ASH1L: variants seen among roughly 807,000 people sequenced by gnomAD.
The protein encoded by ASH1L is histone-lysine N-methyltransferase ASH1L.
A neutral mutation model predicts 269.0 loss-of-function variants in ASH1L; 23 were observed. That is an observed-to-expected ratio of 0.09 (90% confidence interval 0.06 to 0.12). ASH1L has a LOEUF of 0.12. ASH1L is among the 10% of genes least tolerant of loss of function. The pLI is 1.00. For synonymous variants in ASH1L, 1,187 were observed against 1,253.5 expected, an observed-to-expected ratio of 0.95 and a Z score of 1.12; for missense variants, 2,912 against 3,567.8, an observed-to-expected ratio of 0.82 and a Z score of 4.68.
intron 2 of ASH1L, among the ~76,000 whole-genome samples, chr1:155,484,036 A>T (rs1439392337): frequency 1.3e-5 from 2 of 152,204 alleles, no homozygotes; most frequent in Non-Finnish European, 2.9e-5. Context: ...AATGGAATGA[A>T]CCAAAGATTA....
chr1:155,347,958 A>T lies in ASH1L; in HGVS notation c.7555-54T>A, dbSNP rs1251623781. On this transcript the variant is annotated intron_variant, in intron 19 of 27. Transcript: ENST00000392403. ...TTGGTTCTCTCAATGTGGCTTAACA[A>T]TTTACCTAAAGAGGTAGCAAGGTAG... is the stretch of plus-strand genomic sequence containing the variant. The T allele has an allele frequency of 6.9e-6, 11 of 1,604,592 alleles. No individual in the cohort carries two copies. In the Admixed American group the frequency reaches 1.7e-4, roughly 24 times the overall value.
chr1:155,337,840 A>G lies in ASH1L; in HGVS notation c.8804-89T>C, dbSNP rs1236845311. The G allele has an allele frequency of 1.1e-5, 15 of 1,314,496 alleles. No homozygotes were observed. The East Asian group carries it at 3.4e-4, about 30-fold the overall frequency. 81.4% of individuals were successfully genotyped at this position (1,314,496 alleles called of 1,614,324 possible). ...GCTCTAAGGAGAGCACACGAACTCA[A>G]TGATTCCTTTTCTGACCTATAAGCA... On this transcript the variant is annotated intron_variant, in intron 27 of 27. Coordinates refer to ENST00000392403, the MANE Select transcript of ASH1L (RefSeq NM_018489.3).
Position 155,454,999 on chromosome 1 carries a change from G to C in ASH1L, c.5086+4798C>G, listed in dbSNP as rs1663773978. 2.0e-5 allele frequency among the ~76,000 whole-genome samples: 3 copies of C among 152,054 alleles called. No homozygotes were observed. In the South Asian group the frequency reaches 6.2e-4, roughly 31 times the overall value. ...TCAATGTAACAATATTTGTAAACCA[G>C]CTATAAAAAGACGAAATGATTCTGT... On this transcript the variant is annotated intron_variant, in intron 4 of 27. Transcript: ENST00000392403.
chr1:155,563,135 A>C (rs1300733072), upstream of ASH1L: 3 of 456,392 alleles, frequency 6.6e-6, no homozygotes, highest in East Asian at 2.1e-4. Flanking sequence ...CCTCCGCCGG[A>C]TCGCGGCGAG....
At chr1:155,441,044 C>A (rs979515839) in intron 4 of ASH1L, among the ~76,000 whole-genome samples, 2 of 152,132 alleles carry the variant, frequency 1.3e-5, no homozygotes, top group South Asian at 2.1e-4. Flanking sequence ...AACTCTTGAA[C>A]CTGTCCACTT....
chr1:155,480,547 G>A lies in ASH1L; in HGVS notation c.2323C>T (p.Leu775Phe). 1 of 1,614,134 alleles carries A rather than the reference G, an allele frequency of 6.2e-7. No individual in the cohort carries two copies. Among genetic ancestry groups the A allele is most frequent in the Non-Finnish European group, 8.5e-7 (1 of 1,179,986 alleles). ...CTCAACTTTGGCAATCGGCGTTTAA[G>A]GAAGTCATGATCTACAAATGAAGGG... ...GPPSFVDHDF[L>F]KRRLPKLSKS... Residue 775 changes from leucine (L) to phenylalanine (F), a missense_variant, in exon 3 of 28, where the codon CTT becomes TTT. This residue lies in a region of ASH1L where 715 missense variants were observed against 721.0 expected (regional missense o/e 0.99). Coordinates refer to ENST00000392403, the MANE Select transcript of ASH1L (RefSeq NM_018489.3).
At chr1:155,435,912 A>C (rs1662046867) in intron 5 of ASH1L, among the ~76,000 whole-genome samples, 1 of 152,074 alleles carries the variant, frequency 6.6e-6, no homozygotes, top group Admixed American at 6.6e-5. Context: ...TTAGCCAGGC[A>C]TGGTGGTGCG....
chr1:155,544,883 A>C (rs775047582), intron 1 of ASH1L, among the ~76,000 whole-genome samples: 3 of 152,038 alleles, frequency 2.0e-5, no homozygotes, highest in Non-Finnish European at 4.4e-5. Flanking sequence ...GAATAAAAAC[A>C]AACTATTGGC....
chr1:155,472,645 G>A (rs1159255554), intron 3 of ASH1L, among the ~76,000 whole-genome samples: 2 of 152,096 alleles, frequency 1.3e-5, no homozygotes, highest in South Asian at 2.1e-4. Flanking sequence ...GGACTGTGGC[G>A]AACAAAAGAA....
chr1:155,408,303 C>A (rs78134347), intron 6 of ASH1L, among the ~76,000 whole-genome samples: 224 of 152,250 alleles, frequency 1.5e-3, no homozygotes, highest in African/African-American at 5.2e-3. Context: ...ATTTCTTCAA[C>A]AGCAATATAA....
intron 16 of ASH1L, 143 bp from the exon 17 acceptor site, chr1:155,353,001 C>T (rs540375426): frequency 1.4e-6 from 1 of 725,216 alleles, no homozygotes; most frequent in South Asian, 2.4e-5. Flanking sequence ...TTTCTATCTT[C>T]TGTAATGAAA....
chr1:155,446,198 T>C (rs1181391994), intron 4 of ASH1L, among the ~76,000 whole-genome samples: 2 of 151,758 alleles, frequency 1.3e-5, no homozygotes, highest in Non-Finnish European at 2.9e-5. Flanking sequence ...TACTTTTTAT[T>C]ATACAGATCC....
chr1:155,344,114 G>A, intron 22 of ASH1L, 69 bp downstream of exon 22: 2 of 1,349,542 alleles, frequency 1.5e-6, no homozygotes, highest in Non-Finnish European at 2.1e-6. Context: ...CTATGATGGA[G>A]ACAGCAGAGA....
At position 155,388,715 on chromosome 1, in the gene ASH1L, C is replaced by CTTTTTTTTTT. The variant is rs142537672; in HGVS notation, c.6103+6734_6103+6743dup. Among the ~76,000 whole-genome samples, 1,052 of 131,594 alleles carry CTTTTTTTTTT rather than the reference C, an allele frequency of 8.0e-3. 35 individuals are homozygous for CTTTTTTTTTT. The highest frequency in any genetic ancestry group is 0.03 in the African/African-American group (1,010 of 33,282). 86.3% of individuals were successfully genotyped at this position (131,594 alleles called of 152,430 possible). A position where few individuals can be genotyped will look rare whatever the true frequency, so the allele number is the denominator to read the frequency against. On this transcript the variant is annotated intron_variant, in intron 7 of 27. Transcript: ENST00000392403. ...GGTCTATGTGTCCTGAATTGCGATT[C>CTTTTTTTTTT]TTTTTTTTTTTTTTTTTCATAGAAA... is the stretch of plus-strand genomic sequence containing the variant.
In ASH1L at chr1:155,480,016, G is replaced by T; in HGVS notation, c.2854C>A (p.His952Asn). The change falls in exon 3 of 28, where the codon CAT becomes AAT. Residue 952 changes from histidine (H) to asparagine (N), a missense_variant. By Grantham distance (68) the His-to-Asn change is moderately conservative. Around this residue, in one of 13 missense-constraint regions of ASH1L, gnomAD observed 715 missense variants for 721.0 expected, o/e 0.99. Transcript: ENST00000392403. Reference sequence around the variant, plus strand: ...CTCATACTACAGACACTTGGCCTATGACTGTCATCTAGGTCATCTGGATCC... The same window carrying T: ...CTCATACTACAGACACTTGGCCTATTACTGTCATCTAGGTCATCTGGATCC... ...LQDPDDLDDS[H>N]RPSVCSMSDL... 1 of 1,614,000 alleles carries T rather than the reference G, an allele frequency of 6.2e-7. No homozygotes were observed. Among genetic ancestry groups the T allele is most frequent in the South Asian group, 1.1e-5 (1 of 91,048 alleles).
At chr1:155,367,488 T>C (rs1655538800) in intron 12 of ASH1L, among the ~76,000 whole-genome samples, 2 of 152,198 alleles carry the variant, frequency 1.3e-5, no homozygotes, top group South Asian at 4.1e-4. Flanking sequence ...TTTCTAATCT[T>C]TATACTTTTT....
At chr1:155,546,158 CA>C (rs57715557) in intron 1 of ASH1L, among the ~76,000 whole-genome samples, 23 of 110,750 alleles carry the variant, frequency 2.1e-4, no homozygotes, top group Non-Finnish European at 2.4e-4. Flanking sequence ...ATTCCATCAC[CA>C]AAAAAAAAAA....
intron 1 of ASH1L, among the ~76,000 whole-genome samples, chr1:155,528,907 T>G (rs1418885611): frequency 6.6e-6 from 1 of 152,102 alleles, no homozygotes; most frequent in Non-Finnish European, 1.5e-5. Flanking sequence ...TGTGTCCATG[T>G]GTTGTCATCA....
chr1:155,546,599 A>T (rs1351342452), intron 1 of ASH1L, among the ~76,000 whole-genome samples: 1 of 151,910 alleles, frequency 6.6e-6, no homozygotes, highest in African/African-American at 2.4e-5. Flanking sequence ...CTCTACTGAA[A>T]ATACAAAAAT....
Sources: gnomAD v4.1 joint callset for allele counts (sites outside exome capture counted in the v4.1 genomes callset) on GRCh38, gnomAD v4.1.1 for gene constraint, gnomAD v4.1.1 regional missense constraint, MANE v1.5 for transcripts, NCBI Gene and HGNC (gene_info 2026-07-23, HGNC 2026-07-21) for gene names.